The following AGMO variants were observed in gnomAD, a reference collection of about 807,000 sequenced individuals.
AGMO encodes glyceryl-ether monooxygenase.
AGMO carries 75 observed loss-of-function variants against 60.2 expected under a neutral mutation model. The observed-to-expected ratio is 1.25, with a 90% CI of 1.03 to 1.51. The LOEUF (loss-of-function observed/expected upper bound fraction) is 1.51, where lower values mean the gene tolerates loss of function less well. Among genes scored for constraint, AGMO ranks in the 40% most tolerant of loss-of-function variants. The pLI, the probability that AGMO is intolerant of heterozygous loss-of-function variation, is 0.00. For missense variants in AGMO, 763 were observed against 525.5 expected, an observed-to-expected ratio of 1.45 and a Z score of -4.42; for synonymous variants, 261 against 177.1, an observed-to-expected ratio of 1.47 and a Z score of -3.76.
chr7:15,238,322 A>T (rs895308076), intron 12 of AGMO, among the ~76,000 whole-genome samples: 1 of 152,026 alleles, frequency 6.6e-6, no homozygotes, highest in Non-Finnish European at 1.5e-5. Flanking sequence ...AGTTAAACAG[A>T]AGGAATAAGT....
In AGMO at chr7:15,257,868, T is replaced by C. The variant is rs145219505; in HGVS notation, c.1264-56509A>G. Among the ~76,000 whole-genome samples the C allele has an allele frequency of 6.8e-4, 104 of 152,330 alleles. 2 individuals are homozygous for C. In the East Asian group the frequency reaches 0.02, roughly 29 times the overall value. ...CAGTGGAGATTACCCACCCGTTTAA[T>C]AGTTTATGCTAAAACATAAAGCTGC... On this transcript the variant is annotated intron_variant, in intron 12 of 12. Coordinates refer to ENST00000342526, the MANE Select transcript of AGMO (RefSeq NM_001004320.2).
intron 12 of AGMO, 117 bp downstream of exon 12, chr7:15,365,397 A>AAAAAAAAAAT: frequency 2.1e-6 from 1 of 486,326 alleles, no homozygotes; most frequent in Non-Finnish European, 3.6e-6. Flanking sequence ...AAAAAAAAAG[A>AAAAAAAAAAT]TCAAGATTTC....
chr7:15,325,083 T>G (rs1781295418), intron 12 of AGMO, among the ~76,000 whole-genome samples: 1 of 152,188 alleles, frequency 6.6e-6, no homozygotes, highest in Non-Finnish European at 1.5e-5. Flanking sequence ...CCTGTAATTG[T>G]TTCTTATTGG....
At chr7:15,336,536 A>G (rs1244601857) in intron 12 of AGMO, among the ~76,000 whole-genome samples, 1 of 152,174 alleles carries the variant, frequency 6.6e-6, no homozygotes, top group African/African-American at 2.4e-5. Flanking sequence ...TGAATAGAAG[A>G]TATTTTACAC....
chr7:15,342,410 GC>G, intron 12 of AGMO, among the ~76,000 whole-genome samples: 1 of 151,888 alleles, frequency 6.6e-6, no homozygotes. Context: ...CTCTACCTAA[GC>G]AAAGTATGTT....
intron 11 of AGMO, among the ~76,000 whole-genome samples, chr7:15,365,905 G>T (rs1315619749): frequency 6.7e-6 from 1 of 149,310 alleles, no homozygotes. Flanking sequence ...AGGGTTTAAA[G>T]TAAGTGAGAC....
intron 2 of AGMO, among the ~76,000 whole-genome samples, chr7:15,556,888 C>T (rs993615786): frequency 7.2e-5 from 11 of 151,904 alleles, no homozygotes; most frequent in African/African-American, 2.7e-4. Flanking sequence ...GGAAGTCTGC[C>T]TACTGGATTT....
intron 10 of AGMO, among the ~76,000 whole-genome samples, chr7:15,380,318 G>C (rs188786158): frequency 6.6e-6 from 1 of 152,012 alleles, no homozygotes; most frequent in Non-Finnish European, 1.5e-5. Flanking sequence ...CAAAGTCTCC[G>C]GATACAAAAT....
the AGMO span, among the ~76,000 whole-genome samples, chr7:15,149,733 G>C: frequency 6.6e-6 from 1 of 151,832 alleles, no homozygotes; most frequent in Admixed American, 6.6e-5. Context: ...GTATAGTTTG[G>C]AGACAGGTAG....
At chr7:15,461,476 T>G (rs78932302) in intron 3 of AGMO, among the ~76,000 whole-genome samples, 17,423 of 86,308 alleles carry the variant, frequency 0.2, 1,216 homozygotes, top group Non-Finnish European at 0.27. Flanking sequence ...AGAACTTTAG[T>G]GAAAAACTAA....
intron 12 of AGMO, among the ~76,000 whole-genome samples, chr7:15,327,481 A>T (rs1781375914): frequency 6.6e-6 from 1 of 152,142 alleles, no homozygotes; most frequent in Non-Finnish European, 1.5e-5. Context: ...ACATGCAAAG[A>T]TCATTTGTTC....
intron 12 of AGMO, among the ~76,000 whole-genome samples, chr7:15,277,819 C>G (rs1783844535): frequency 6.6e-6 from 1 of 152,188 alleles, no homozygotes; most frequent in Non-Finnish European, 1.5e-5. Flanking sequence ...GTTTCCTGTT[C>G]AGTGCAGGCC....
intron 10 of AGMO, among the ~76,000 whole-genome samples, chr7:15,369,180 CA>C (rs2128563583): frequency 6.6e-6 from 1 of 152,094 alleles, no homozygotes; most frequent in Admixed American, 6.6e-5. Context: ...TATTCCACCC[CA>C]AGATGATCTC....
intron 5 of AGMO, 103 bp from the exon 6 acceptor site, chr7:15,394,282 G>T: frequency 3.4e-6 from 3 of 884,638 alleles, no homozygotes; most frequent in Admixed American, 2.3e-5. Context: ...GAGATATTGC[G>T]AATTTCAGGG....
chr7:15,244,204 A>T (rs1159154868), intron 12 of AGMO, among the ~76,000 whole-genome samples: 1 of 152,204 alleles, frequency 6.6e-6, no homozygotes, highest in African/African-American at 2.4e-5. Flanking sequence ...CAAAGCATAA[A>T]ATGTGAGAGA....
At chr7:15,234,336 C>T (rs962127173) in intron 12 of AGMO, among the ~76,000 whole-genome samples, 12 of 152,168 alleles carry the variant, frequency 7.9e-5, no homozygotes, top group African/African-American at 2.4e-4. Context: ...GTTAGTGTCA[C>T]ATTTTTCTCT....
chr7:15,191,973 T>TCACA, the AGMO span, among the ~76,000 whole-genome samples: 49 of 144,834 alleles, frequency 3.4e-4, no homozygotes, highest in Non-Finnish European at 5.3e-4. Context: ...TGTCTCTCTC[T>TCACA]CACACACACA....
chr7:15,340,553 G>C (rs1242239734), intron 12 of AGMO, among the ~76,000 whole-genome samples: 2 of 152,264 alleles, frequency 1.3e-5, no homozygotes, highest in East Asian at 3.9e-4. Context: ...TTGGTGCCCT[G>C]TGTCCCAGCC....
chr7:15,299,406 G>A (rs562758558), intron 12 of AGMO, among the ~76,000 whole-genome samples: 3 of 152,058 alleles, frequency 2.0e-5, no homozygotes. Context: ...TGAACACCTT[G>A]AGAGAAAATA....
Sources: allele counts gnomAD v4.1 joint callset (sites outside exome capture counted in the v4.1 genomes callset), GRCh38; gene constraint gnomAD v4.1.1; transcripts MANE v1.5; gene names NCBI Gene and HGNC (gene_info 2026-07-23, HGNC 2026-07-21).